Variants in EGR1 observed in about 807,000 individuals in gnomAD.
EGR1 encodes the protein early growth response 1.
Under a neutral mutation model 30.2 loss-of-function variants are expected in EGR1, and 8 were observed. The observed-to-expected ratio is 0.26, with a 90% CI of 0.16 to 0.48. The LOEUF (loss-of-function observed/expected upper bound fraction) is 0.48, where lower values mean the gene tolerates loss of function less well. Ranked by LOEUF, EGR1 falls within the 20% of genes least tolerant of loss-of-function variation. The pLI is 0.99. For synonymous variants in EGR1, 334 were observed against 312.8 expected (o/e 1.07, Z -0.72); for missense variants, 568 against 732.3 (o/e 0.78, Z 2.59).
chr5:138,466,811 ACCC>A lies in EGR1; in HGVS notation c.364_366del (p.Pro122del). ...GAGAAGGTGCTGGTGGAGACCAGTT[ACCC>A]CAGCCAAACCACTCGACTGCCCCCC... On this transcript the variant is annotated inframe_deletion, in exon 2 of 2. Transcript: ENST00000239938. 6.2e-7 allele frequency: 1 copy of A among 1,613,674 alleles called. No individual in the cohort carries two copies. Among genetic ancestry groups the A allele is most frequent in the Non-Finnish European group, 8.5e-7 (1 of 1,179,934 alleles).
chr5:138,469,026 A>G lies in EGR1; in HGVS notation c.*945A>G, dbSNP rs202018795. ...TCCAGAATGTAAGAAAACAAAATCT[A>G]AAACAAAATCTGAACTCTCAAAAGT... On this transcript the variant is annotated 3_prime_UTR_variant, in exon 2 of 2. Transcript: ENST00000239938. The G allele has an allele frequency of 9.2e-5, 14 of 152,594 alleles. No homozygotes were observed. Among genetic ancestry groups the G allele is most frequent in the African/African-American group, 3.1e-4 (13 of 41,446 alleles). 9.5% of individuals were successfully genotyped at this position (152,594 alleles called of 1,614,324 possible).
Position 138,465,702 on chromosome 5 carries a change from C to G in EGR1, c.-60C>G. 6.8e-7 allele frequency: 1 copy of G among 1,478,032 alleles called. No homozygotes were observed. The allele number at this position is 1,478,032 out of a possible 1,614,324, so 91.6% of individuals were successfully genotyped here. On this transcript the variant is annotated 5_prime_UTR_variant, in exon 1 of 2. Transcript: ENST00000239938. Reference sequence around the variant, plus strand: ...GCCCCCGCAACTGTGTCCCCTGCAGCTCCAGCCCCGGGCTGCACCCCCCCG... The same window carrying G: ...GCCCCCGCAACTGTGTCCCCTGCAGGTCCAGCCCCGGGCTGCACCCCCCCG...
chr5:138,466,163 GC>G, intron 1 of EGR1, 95 bp downstream of exon 1: 1 of 1,438,356 alleles, frequency 7.0e-7, no homozygotes, highest in Non-Finnish European at 9.1e-7. Context: ...TAGAATGAGA[GC>G]CGGGTTTCCC....
chr5:138,467,274 G>C lies in EGR1; in HGVS notation c.825G>C (p.Gln275His). ...GCACCCCAGACCAGAAGCCCTTCCA[G>C]GGCCTGGAGAGCCGCACCCAGCAGC... ...GLGTPDQKPF[Q>H]GLESRTQQPS... The change falls in exon 2 of 2, where the codon CAG (glutamine) becomes CAC (histidine). Residue 275 changes from glutamine (Q) to histidine (H), a missense_variant. This residue lies in a region of EGR1 where 415 missense variants were observed against 445.2 expected (regional missense o/e 0.93). Transcript: ENST00000239938. The surrounding 1 kb of genome is among the most constrained non-coding windows in gnomAD (Gnocchi z 8.3). The C allele has an allele frequency of 6.2e-7, 1 of 1,614,022 alleles. No individual in the cohort carries two copies. Among genetic ancestry groups the C allele is most frequent in the Non-Finnish European group, 8.5e-7 (1 of 1,180,014 alleles).
At position 138,467,771 on chromosome 5, in the gene EGR1, C is replaced by T; in HGVS notation, c.1322C>T (p.Ser441Phe). ...TCTTCGGCCACCTCCTCTCTCTCTT[C>T]CTACCCGTCCCCGGTTGCTACCTCT... ...VASSATSSLS[S>F]YPSPVATSYP... Residue 441 changes from serine to phenylalanine, a missense_variant, in exon 2 of 2, where the codon TCC becomes TTC. Transcript: ENST00000239938. This position sits in a 1 kb window ranked among gnomAD's most constrained non-coding sequence, Gnocchi z 8.3. 1 of 1,614,118 alleles carries T rather than the reference C, an allele frequency of 6.2e-7. No homozygotes were observed. The highest frequency in any genetic ancestry group is 8.5e-7 in the Non-Finnish European group (1 of 1,179,998).
At position 138,468,433 on chromosome 5, in the gene EGR1, G is replaced by C. The variant is rs199627249; in HGVS notation, c.*352G>C. ...GCTCCCTTCAATGCTAGAAAATCGA[G>C]TTGGCAAAATGGGGTTTGGGCCCCT... On this transcript the variant is annotated 3_prime_UTR_variant, in exon 2 of 2. Transcript: ENST00000239938. 2.2e-6 allele frequency: 1 copy of C among 446,254 alleles called. No homozygotes were observed. Among genetic ancestry groups the C allele is most frequent in the Non-Finnish European group, 4.5e-6 (1 of 222,470 alleles). 27.6% of individuals were successfully genotyped at this position (446,254 alleles called of 1,614,324 possible). A position where few individuals can be genotyped will look rare whatever the true frequency, so the allele number is the denominator to read the frequency against.
At position 138,465,831 on chromosome 5, in the gene EGR1, C is replaced by T; in HGVS notation, c.70C>T (p.Pro24Ser). The part of the protein sequence containing the change: ...LQISDPFGSF[P>S]HSPTMDNYPK... ...GATCTCTGACCCGTTCGGATCCTTT[C>T]CTCACTCGCCCACCATGGACAACTA... is the stretch of plus-strand genomic sequence containing the variant. Residue 24 changes from proline (P) to serine (S), a missense_variant, in exon 1 of 2, where the codon CCT becomes TCT. Physicochemically the swap from Pro to Ser is moderately conservative, Grantham distance 74 (BLOSUM62 -1). Around this residue, in one of 4 missense-constraint regions of EGR1, gnomAD observed 415 missense variants for 445.2 expected, o/e 0.93. Transcript: ENST00000239938. 6.2e-7 allele frequency: 1 copy of T among 1,613,854 alleles called. No homozygotes were observed. The highest frequency in any genetic ancestry group is 2.2e-5 in the East Asian group (1 of 44,886).
intron 1 of EGR1, 126 bp downstream of exon 1, chr5:138,466,194 A>C: frequency 7.1e-7 from 1 of 1,405,454 alleles, no homozygotes; most frequent in Non-Finnish European, 9.3e-7. Flanking sequence ...TCGCATCCCC[A>C]GAGTCATGTG....
Position 138,465,897 on chromosome 5 carries a change from C to T in EGR1, c.136C>T (p.Pro46Ser). The change falls in exon 1 of 2, where the codon CCC (proline) becomes TCC (serine). Residue 46 changes from proline to serine, a missense_variant. Pro to Ser is a moderately conservative substitution (Grantham distance 74). This residue lies in a region of EGR1 where 415 missense variants were observed against 445.2 expected (regional missense o/e 0.93). Coordinates refer to ENST00000239938, the MANE Select transcript of EGR1 (RefSeq NM_001964.3). ...GATGATGCTGCTGAGCAACGGGGCTCCCCAGTTCCTCGGCGCCGCCGGGGC... is the reference window on the plus strand; with the variant it reads ...GATGATGCTGCTGAGCAACGGGGCTTCCCAGTTCCTCGGCGCCGCCGGGGC... ...EEMMLLSNGAPQFLGAAGAPE... is the reference protein window; with the variant it reads ...EEMMLLSNGASQFLGAAGAPE... 6.2e-7 allele frequency: 1 copy of T among 1,613,912 alleles called. No homozygotes were observed. Among genetic ancestry groups the T allele is most frequent in the South Asian group, 1.1e-5 (1 of 91,086 alleles).
rs544126669 is a variant in EGR1, at chr5:138,465,951, A to G, written c.190A>G (p.Ser64Gly). Residue 64 changes from serine (S) to glycine (G), a missense_variant, in exon 1 of 2, where the codon AGC becomes GGC. Physicochemically the swap from Ser to Gly is moderately conservative, Grantham distance 56. Transcript: ENST00000239938. ...AGAGGGCAGCGGCAGCAACAGCAGC[A>G]GCAGCAGCAGCGGGGGCGGTGGAGG... ...APEGSGSNSS[S>G]SSSGGGGGGG... 127 of 1,612,372 alleles carry G rather than the reference A, an allele frequency of 7.9e-5. No individual in the cohort carries two copies. The South Asian group carries it at 1.3e-3, about 17-fold the overall frequency.
Position 138,469,155 on chromosome 5 carries a change from A to G in EGR1, c.*1074A>G, listed in dbSNP as rs1764196640. The G allele has an allele frequency of 3.3e-5, 5 of 152,344 alleles. No homozygotes were observed. 9.4% of individuals were successfully genotyped at this position (152,344 alleles called of 1,614,324 possible). On this transcript the variant is annotated 3_prime_UTR_variant, in exon 2 of 2. Transcript: ENST00000239938. ...CGATTTTTGTATGTTATGAACATGC[A>G]GTTCATTATTTTGTGGTTCTATTTT...
Position 138,465,589 on chromosome 5 carries a change from G to C in EGR1, c.-173G>C. On this transcript the variant is annotated 5_prime_UTR_variant, in exon 1 of 2. Coordinates refer to ENST00000239938, the MANE Select transcript of EGR1 (RefSeq NM_001964.3). ...GCCCCAGCCTCCGCAGCCGCGGCGC[G>C]TCCACGCCCGCCCGCGCCCAGGGCG... The C allele has an allele frequency of 1.7e-6, 1 of 604,004 alleles. No homozygotes were observed. The highest frequency in any genetic ancestry group is 2.4e-6 in the Non-Finnish European group (1 of 409,946). 37.4% of individuals were successfully genotyped at this position (604,004 alleles called of 1,614,324 possible). A position where few individuals can be genotyped will look rare whatever the true frequency, so the allele number is the denominator to read the frequency against.
rs1764140939 is a variant in EGR1, at chr5:138,465,609, A to G, written c.-153A>G. On this transcript the variant is annotated 5_prime_UTR_variant, in exon 1 of 2. Transcript: ENST00000239938. ...GGCGCGTCCACGCCCGCCCGCGCCCAGGGCGAGTCGGGGTCGCCGCCTGCA... is the reference window on the plus strand; with the variant it reads ...GGCGCGTCCACGCCCGCCCGCGCCCGGGGCGAGTCGGGGTCGCCGCCTGCA... The G allele has an allele frequency of 1.6e-5, 13 of 804,874 alleles. No homozygotes were observed. In the South Asian group the frequency reaches 2.7e-4, roughly 17 times the overall value. The allele number at this position is 804,874 out of a possible 1,614,324, so 49.9% of individuals were successfully genotyped here. A position where few individuals can be genotyped will look rare whatever the true frequency, so the allele number is the denominator to read the frequency against.
chr5:138,467,523 C>T lies in EGR1; in HGVS notation c.1074C>T (p.His358=). Residue 358 remains histidine (H), a synonymous_variant, in exon 2 of 2, where the codon CAC becomes CAT. Coordinates refer to ENST00000239938, the MANE Select transcript of EGR1 (RefSeq NM_001964.3). The surrounding 1 kb of genome is among the most constrained non-coding windows in gnomAD (Gnocchi z 8.3). ...RFSRSDELTR[H]IRIHTGQKPF... The stretch of plus-strand genomic sequence containing the variant: ...CCCGCTCCGACGAGCTCACCCGCCA[C>T]ATCCGCATCCACACAGGCCAGAAGC... 1.2e-6 allele frequency: 2 copies of T among 1,613,644 alleles called. No individual in the cohort carries two copies. Among genetic ancestry groups the T allele is most frequent in the Non-Finnish European group, 8.5e-7 (1 of 1,180,034 alleles).
chr5:138,467,565 C>T lies in EGR1; in HGVS notation c.1116C>T (p.Ile372=). The change falls in exon 2 of 2, where the codon ATC becomes ATT. Residue 372 remains isoleucine (I), a synonymous_variant. Coordinates refer to ENST00000239938, the MANE Select transcript of EGR1 (RefSeq NM_001964.3). The surrounding 1 kb of genome is among the most constrained non-coding windows in gnomAD (Gnocchi z 8.3). ...GCCAGAAGCCCTTCCAGTGCCGCAT[C>T]TGCATGCGCAACTTCAGCCGCAGCG... The part of the protein sequence containing the change: ...HTGQKPFQCR[I]CMRNFSRSDH... The T allele has an allele frequency of 6.2e-7, 1 of 1,614,006 alleles. No individual in the cohort carries two copies. Among genetic ancestry groups the T allele is most frequent in the Non-Finnish European group, 8.5e-7 (1 of 1,180,042 alleles).
Position 138,465,509 on chromosome 5 carries a change from C to T in EGR1, c.-253C>T, listed in dbSNP as rs747647165. 2.1e-4 allele frequency: 51 copies of T among 243,372 alleles called. No homozygotes were observed. The highest frequency in any genetic ancestry group is 1.3e-3 in the Middle Eastern group (1 of 784). The allele number at this position is 243,372 out of a possible 1,614,324, so 15.1% of individuals were successfully genotyped here. ...ATCCCAGCGCGCAGAACTTGGGGAG[C>T]CGCCGCCGCCATCCGCCGCCGCAGC... On this transcript the variant is annotated 5_prime_UTR_variant, in exon 1 of 2. Coordinates refer to ENST00000239938, the MANE Select transcript of EGR1 (RefSeq NM_001964.3).
At position 138,465,898 on chromosome 5, in the gene EGR1, C is replaced by G; in HGVS notation, c.137C>G (p.Pro46Arg). The part of the protein sequence containing the change: ...EEMMLLSNGA[P>R]QFLGAAGAPE... ...ATGATGCTGCTGAGCAACGGGGCTC[C>G]CCAGTTCCTCGGCGCCGCCGGGGCC... is the stretch of plus-strand genomic sequence containing the variant. Residue 46 changes from proline (P) to arginine (R), a missense_variant, in exon 1 of 2, where the codon CCC becomes CGC. Pro to Arg is a moderately radical substitution (Grantham distance 103). Coordinates refer to ENST00000239938, the MANE Select transcript of EGR1 (RefSeq NM_001964.3). 1 of 1,613,914 alleles carries G rather than the reference C, an allele frequency of 6.2e-7. No homozygotes were observed. Among genetic ancestry groups the G allele is most frequent in the Non-Finnish European group, 8.5e-7 (1 of 1,179,858 alleles).
Position 138,467,364 on chromosome 5 carries a change from G to A in EGR1, c.915G>A (p.Lys305=). ...FATQSGSQDL[K]ALNTSYQSQL... is the part of the protein sequence containing the mutation. The stretch of plus-strand genomic sequence containing the variant: ...CTCAGTCGGGCTCCCAGGACCTGAA[G>A]GCCCTCAATACCAGCTACCAGTCCC... The change falls in exon 2 of 2, where the codon AAG becomes AAA. Residue 305 remains lysine (K), a synonymous_variant. Coordinates refer to ENST00000239938, the MANE Select transcript of EGR1 (RefSeq NM_001964.3). The surrounding 1 kb of genome is among the most constrained non-coding windows in gnomAD (Gnocchi z 8.3). 6.2e-7 allele frequency: 1 copy of A among 1,614,174 alleles called. No individual in the cohort carries two copies. Among genetic ancestry groups the A allele is most frequent in the Non-Finnish European group, 8.5e-7 (1 of 1,180,042 alleles).
Position 138,467,938 on chromosome 5 carries a change from A to G in EGR1, c.1489A>G (p.Thr497Ala). The G allele has an allele frequency of 6.2e-7, 1 of 1,613,694 alleles. No individual in the cohort carries two copies. Among genetic ancestry groups the G allele is most frequent in the South Asian group, 1.1e-5 (1 of 91,050 alleles). ...TGGCTTCCCCTCCCCGTCGGTGGCC[A>G]CCACGTACTCCTCTGTTCCCCCTGC... ...HSGFPSPSVA[T>A]TYSSVPPAFP... Residue 497 changes from threonine to alanine, a missense_variant, in exon 2 of 2, where the codon ACC becomes GCC. By Grantham distance (58) the Thr-to-Ala change is moderately conservative (BLOSUM62 0). Transcript: ENST00000239938. The surrounding 1 kb of genome is among the most constrained non-coding windows in gnomAD (Gnocchi z 8.3).
Sources: gnomAD v4.1 joint callset for allele counts on GRCh38, gnomAD v4.1.1 for gene constraint, gnomAD v4.1.1 regional missense constraint, Gnocchi (gnomAD v3.1) non-coding constraint, MANE v1.5 for transcripts, NCBI Gene and HGNC (gene_info 2026-07-23, HGNC 2026-07-21) for gene names.